The following SCHIP1 variants were observed in gnomAD, a reference collection of about 807,000 sequenced individuals.
SCHIP1 encodes schwannomin interacting protein 1, also known as schwannomin-interacting protein 1.
SCHIP1 carries 8 observed loss-of-function variants against 29.7 expected under a neutral mutation model. The ratio of observed to expected loss-of-function variants is 0.27; its 90% CI spans 0.16 to 0.49. The LOEUF is 0.49. Ranked by LOEUF, SCHIP1 falls within the 20% of genes least tolerant of loss-of-function variation. The probability of loss-of-function intolerance (pLI) is 0.99; values close to 1 mark genes in which losing one functional copy is unlikely to be tolerated. For synonymous variants in SCHIP1, 76 were observed against 94.9 expected (o/e 0.80, Z 1.16); for missense variants, 193 against 294.6 (o/e 0.66, Z 2.52).
chr3:159,677,920 C>T, the SCHIP1 span, among the ~76,000 whole-genome samples: 10,623 of 152,190 alleles, frequency 0.07, 1,060 homozygotes, highest in African/African-American at 0.22. Flanking sequence ...ACTATAACCT[C>T]GAAGTCACGG....
chr3:159,685,601 A>G, the SCHIP1 span, among the ~76,000 whole-genome samples: 2 of 150,120 alleles, frequency 1.3e-5, no homozygotes, highest in Admixed American at 1.3e-4. Flanking sequence ...TAAATTCCCA[A>G]ATTTACCCAA....
chr3:159,585,090 C>G, the SCHIP1 span, among the ~76,000 whole-genome samples: 3 of 147,670 alleles, frequency 2.0e-5, no homozygotes, highest in Non-Finnish European at 4.4e-5. Flanking sequence ...TCTACCAGCA[C>G]TTCTGACCCT....
At chr3:159,551,666 T>G in the SCHIP1 span, among the ~76,000 whole-genome samples, 1 of 152,210 alleles carries the variant, frequency 6.6e-6, no homozygotes, top group Admixed American at 6.5e-5. Flanking sequence ...ATGTTAAGTT[T>G]TACCACCATG....
the SCHIP1 span, among the ~76,000 whole-genome samples, chr3:159,612,066 C>A: frequency 4.0e-5 from 6 of 151,768 alleles, no homozygotes; most frequent in African/African-American, 1.5e-4. Flanking sequence ...AAACTGTACC[C>A]AATAAAACTT....
the SCHIP1 span, among the ~76,000 whole-genome samples, chr3:159,627,494 A>G: frequency 1.3e-5 from 2 of 152,208 alleles, no homozygotes; most frequent in Admixed American, 6.6e-5. Context: ...CCCATTTTAC[A>G]GATACACAAA....
At chr3:159,279,531 C>G in the SCHIP1 span, among the ~76,000 whole-genome samples, 1 of 152,110 alleles carries the variant, frequency 6.6e-6, no homozygotes, top group African/African-American at 2.4e-5. Flanking sequence ...TTTTAGAGCA[C>G]TTAGTACTTT....
the SCHIP1 span, among the ~76,000 whole-genome samples, chr3:159,705,756 G>T: frequency 6.6e-6 from 1 of 152,178 alleles, no homozygotes; most frequent in Non-Finnish European, 1.5e-5. Context: ...GCCCAGGCTG[G>T]AGTGCAGTGG....
chr3:159,472,655 C>T, the SCHIP1 span, among the ~76,000 whole-genome samples: 2 of 152,014 alleles, frequency 1.3e-5, no homozygotes, highest in African/African-American at 4.8e-5. Context: ...ATTTAGAGGC[C>T]CTCGGCGGAG....
the SCHIP1 span, among the ~76,000 whole-genome samples, chr3:159,710,177 A>G: frequency 1.2e-3 from 186 of 152,344 alleles, no homozygotes; most frequent in African/African-American, 4.4e-3. Flanking sequence ...GCCAAGATAT[A>G]GAACCAACCT....
chr3:159,477,227 G>A, the SCHIP1 span, among the ~76,000 whole-genome samples: 3 of 152,030 alleles, frequency 2.0e-5, no homozygotes, highest in East Asian at 1.9e-4. Flanking sequence ...CTTGGCTATT[G>A]TGAATAATGC....
the SCHIP1 span, among the ~76,000 whole-genome samples, chr3:159,318,132 C>T: frequency 0.17 from 25,818 of 152,102 alleles, 2,480 homozygotes; most frequent in Middle Eastern, 0.28. Flanking sequence ...TGGGTCATGA[C>T]AGGAGTGGCT....
the SCHIP1 span, among the ~76,000 whole-genome samples, chr3:159,592,158 G>A: frequency 1.3e-5 from 2 of 151,968 alleles, no homozygotes; most frequent in Admixed American, 6.6e-5. Context: ...TTGTTGCCTT[G>A]TATGGGTTCT....
the SCHIP1 span, among the ~76,000 whole-genome samples, chr3:159,556,589 T>TA: frequency 1.3e-5 from 2 of 151,488 alleles, no homozygotes; most frequent in Non-Finnish European, 2.9e-5. Flanking sequence ...TATGCAGCCA[T>TA]AAAAAAGGAT....
the SCHIP1 span, among the ~76,000 whole-genome samples, chr3:159,508,530 T>G: frequency 6.6e-6 from 1 of 152,210 alleles, no homozygotes; most frequent in African/African-American, 2.4e-5. Flanking sequence ...TGTTTGCTCT[T>G]GCTTCTCTAG....
At chr3:159,542,257 A>G in the SCHIP1 span, among the ~76,000 whole-genome samples, 534 of 152,216 alleles carry the variant, frequency 3.5e-3, 3 homozygotes, top group Non-Finnish European at 5.7e-3. Flanking sequence ...AACAATGTAT[A>G]TAAGATGTAC....
chr3:159,361,488 T>C, the SCHIP1 span, among the ~76,000 whole-genome samples: 1 of 152,098 alleles, frequency 6.6e-6, no homozygotes, highest in South Asian at 2.1e-4. Context: ...GAGAATGAGA[T>C]CACATGGGAC....
chr3:159,552,902 G>A, the SCHIP1 span, among the ~76,000 whole-genome samples: 10 of 152,100 alleles, frequency 6.6e-5, no homozygotes, highest in African/African-American at 2.4e-4. Flanking sequence ...TTTCAGCCAT[G>A]CCTATAATGT....
At chr3:159,733,869 G>T in the SCHIP1 span, among the ~76,000 whole-genome samples, 1 of 152,108 alleles carries the variant, frequency 6.6e-6, no homozygotes, top group Admixed American at 6.5e-5. Flanking sequence ...ATCTGTTCTT[G>T]ACTCTAAAAT....
At chr3:159,769,932 A>C in the SCHIP1 span, among the ~76,000 whole-genome samples, 1 of 152,182 alleles carries the variant, frequency 6.6e-6, no homozygotes, top group African/African-American at 2.4e-5. Flanking sequence ...AGCATCCCCA[A>C]AAGTATCCTT....
Sources: allele counts gnomAD v4.1 joint callset (sites outside exome capture counted in the v4.1 genomes callset), GRCh38; gene constraint gnomAD v4.1.1; transcripts MANE v1.5; gene names NCBI Gene and HGNC (gene_info 2026-07-23, HGNC 2026-07-21).